Variants in ADGRL3 observed in about 807,000 individuals in gnomAD.
ADGRL3 encodes adhesion G protein-coupled receptor L3.
In ADGRL3, 62 loss-of-function variants were observed where a neutral mutation model predicts 153.5. That is an observed-to-expected ratio of 0.40 (90% CI 0.33 to 0.50). The LOEUF (loss-of-function observed/expected upper bound fraction) is 0.50, where lower values mean the gene tolerates loss of function less well. Ranked by LOEUF, ADGRL3 falls within the 20% of genes least tolerant of loss-of-function variation. The pLI is 0.47. For missense variants in ADGRL3, 1,641 were observed against 1,859.4 expected, an observed-to-expected ratio of 0.88 and a Z score of 2.16; for synonymous variants, 710 against 672.5, an observed-to-expected ratio of 1.06 and a Z score of -0.86.
chr4:61,366,803 T>C (rs1385607828), intron 1 of ADGRL3, among the ~76,000 whole-genome samples: 1 of 152,200 alleles, frequency 6.6e-6, no homozygotes, highest in Non-Finnish European at 1.5e-5. Flanking sequence ...TTGTTATTTT[T>C]ACTGTTATTC....
intron 26 of ADGRL3, among the ~76,000 whole-genome samples, chr4:62,069,353 A>T (rs1744657951): frequency 6.6e-6 from 1 of 152,138 alleles, no homozygotes; most frequent in Non-Finnish European, 1.5e-5. Context: ...ACCCTAAAAA[A>T]ATCTCTGATG....
chr4:62,047,843 A>G (rs891259155), intron 25 of ADGRL3, among the ~76,000 whole-genome samples: 2 of 152,076 alleles, frequency 1.3e-5, no homozygotes, highest in African/African-American at 4.8e-5. Context: ...CTTGAGGCCA[A>G]TAGGCCAGCA....
intron 1 of ADGRL3, among the ~76,000 whole-genome samples, chr4:61,228,931 A>C (rs145504510): frequency 6.6e-6 from 1 of 152,264 alleles, no homozygotes; most frequent in South Asian, 2.1e-4. Context: ...ACCTCAAGCA[A>C]TCTATCCGCC....
intron 2 of ADGRL3, among the ~76,000 whole-genome samples, chr4:61,447,782 T>A (rs2097603529): frequency 6.6e-6 from 1 of 152,220 alleles, no homozygotes; most frequent in African/African-American, 2.4e-5. Context: ...GCTGTTCTCA[T>A]TGAACACCAA....
chr4:61,616,081 C>G (rs1283856288), intron 5 of ADGRL3, among the ~76,000 whole-genome samples: 2 of 151,848 alleles, frequency 1.3e-5, no homozygotes, highest in Non-Finnish European at 2.9e-5. Flanking sequence ...GACAGACAGA[C>G]AATAGTCCAA....
chr4:61,926,082 G>A (rs978688753), intron 13 of ADGRL3, among the ~76,000 whole-genome samples: 2 of 152,120 alleles, frequency 1.3e-5, no homozygotes, highest in East Asian at 1.9e-4. Context: ...ACTGAGTACT[G>A]TAGACAATTA....
chr4:61,310,275 A>AT (rs2094948402), intron 1 of ADGRL3, among the ~76,000 whole-genome samples: 1 of 151,928 alleles, frequency 6.6e-6, no homozygotes, highest in South Asian at 2.1e-4. Flanking sequence ...CCACTCAGTG[A>AT]TTATTTATTT....
chr4:61,964,756 T>A (rs577019857), intron 17 of ADGRL3, among the ~76,000 whole-genome samples: 5 of 151,996 alleles, frequency 3.3e-5, no homozygotes, highest in South Asian at 2.1e-4. Flanking sequence ...ATTATTATTT[T>A]AAAAAAATTT....
At chr4:61,541,792 C>A (rs895231300) in intron 4 of ADGRL3, among the ~76,000 whole-genome samples, 10 of 151,306 alleles carry the variant, frequency 6.6e-5, no homozygotes, top group African/African-American at 2.4e-4. Context: ...GAAAGGCAAC[C>A]AACCAGGCAA....
At chr4:61,775,845 G>T (rs1384761235) in intron 8 of ADGRL3, 5 of 524,562 alleles carry the variant, frequency 9.5e-6, no homozygotes, top group South Asian at 3.6e-5. Flanking sequence ...TACCTTCCTC[G>T]GCCATGGCGG....
chr4:61,459,938 GT>G (rs1229399173), intron 2 of ADGRL3, among the ~76,000 whole-genome samples: 2 of 151,890 alleles, frequency 1.3e-5, no homozygotes, highest in African/African-American at 4.8e-5. Context: ...GATTATTTGG[GT>G]TTTTTGCTGT....
At chr4:61,564,158 T>C (rs2098806996) in intron 4 of ADGRL3, among the ~76,000 whole-genome samples, 1 of 152,160 alleles carries the variant, frequency 6.6e-6, no homozygotes, top group South Asian at 2.1e-4. Context: ...CTTAAGGGAA[T>C]ATTATGGCTG....
chr4:61,754,308 C>T (rs1426550662), intron 8 of ADGRL3, among the ~76,000 whole-genome samples: 1 of 151,984 alleles, frequency 6.6e-6, no homozygotes, highest in Non-Finnish European at 1.5e-5. Context: ...TAAGAATAAT[C>T]AACAATAGTT....
intron 1 of ADGRL3, among the ~76,000 whole-genome samples, chr4:61,220,741 A>G (rs1346181456): frequency 6.6e-6 from 1 of 152,124 alleles, no homozygotes; most frequent in Non-Finnish European, 1.5e-5. Flanking sequence ...CTGGCATGTT[A>G]CTTCATGTAT....
intron 9 of ADGRL3, among the ~76,000 whole-genome samples, chr4:61,891,139 G>T (rs113107611): frequency 0.017 from 2,528 of 152,198 alleles, 29 homozygotes; most frequent in Middle Eastern, 0.034. Flanking sequence ...TTGCCATTTT[G>T]CTCTGCTACT....
intron 19 of ADGRL3, among the ~76,000 whole-genome samples, chr4:61,987,268 C>T (rs1187751417): frequency 6.6e-6 from 1 of 151,772 alleles, no homozygotes; most frequent in Non-Finnish European, 1.5e-5. Context: ...CGGGTTCAAG[C>T]GATTCTCCTG....
At chr4:61,547,349 A>G (rs1497914) in intron 4 of ADGRL3, among the ~76,000 whole-genome samples, 89,696 of 151,254 alleles carry the variant, frequency 0.59, 27,045 homozygotes, top group East Asian at 0.91. Flanking sequence ...GGAATTTGGT[A>G]CACAGATTAT....
At chr4:61,620,060 AATAT>A (rs111660681) in intron 5 of ADGRL3, among the ~76,000 whole-genome samples, 2 of 148,064 alleles carry the variant, frequency 1.4e-5, no homozygotes, top group East Asian at 2.0e-4. Context: ...TATCTTTAGA[AATAT>A]ATATATATAT....
intron 1 of ADGRL3, among the ~76,000 whole-genome samples, chr4:61,211,175 C>G (rs1432083231): frequency 1.3e-5 from 2 of 152,182 alleles, no homozygotes; most frequent in African/African-American, 2.4e-5. Flanking sequence ...ACGCCTCCAG[C>G]TAGCTTTCTG....
Sources: gnomAD v4.1 joint callset for allele counts (sites outside exome capture counted in the v4.1 genomes callset) on GRCh38, gnomAD v4.1.1 for gene constraint, MANE v1.5 for transcripts, NCBI Gene and HGNC (gene_info 2026-07-23, HGNC 2026-07-21) for gene names.